The following ANKS1B variants were observed in gnomAD, a reference collection of about 807,000 sequenced individuals.
The protein encoded by ANKS1B is ankyrin repeat and sterile alpha motif domain containing 1B.
Under a neutral mutation model 148.3 loss-of-function variants are expected in ANKS1B, and 36 were observed. The ratio of observed to expected loss-of-function variants is 0.24; its 90% CI spans 0.19 to 0.32. The LOEUF (loss-of-function observed/expected upper bound fraction) is 0.32, where lower values mean the gene tolerates loss of function less well. Ranked by LOEUF, ANKS1B falls within the 10% of genes least tolerant of loss-of-function variation. The pLI, the probability that ANKS1B is intolerant of heterozygous loss-of-function variation, is 1.00. For synonymous variants in ANKS1B, 542 were observed against 560.8 expected, an observed-to-expected ratio of 0.97 and a Z score of 0.47; for missense variants, 1,157 against 1,542.6, an observed-to-expected ratio of 0.75 and a Z score of 4.19.
intron 15 of ANKS1B, among the ~76,000 whole-genome samples, chr12:99,098,150 T>TGAGAAAATGGAA (rs2056822987): frequency 6.6e-6 from 1 of 152,156 alleles, no homozygotes; most frequent in Admixed American, 6.5e-5. Context: ...ATTTTACAGA[T>TGAGAAAATGGAA]GAGAAAATGG....
At chr12:99,404,137 C>T (rs942569113) in intron 11 of ANKS1B, among the ~76,000 whole-genome samples, 5 of 145,522 alleles carry the variant, frequency 3.4e-5, no homozygotes, top group Admixed American at 6.8e-5. Flanking sequence ...AACTAATGGA[C>T]ACATAGAGAA....
At chr12:99,208,467 G>T (rs183645934) in intron 14 of ANKS1B, among the ~76,000 whole-genome samples, 1 of 152,260 alleles carries the variant, frequency 6.6e-6, no homozygotes, top group Non-Finnish European at 1.5e-5. Flanking sequence ...TTAAAAGAGA[G>T]ATATTAAACT....
intron 16 of ANKS1B, among the ~76,000 whole-genome samples, chr12:99,054,647 T>A (rs960683166): frequency 8.5e-5 from 13 of 152,214 alleles, no homozygotes; most frequent in African/African-American, 3.1e-4. Context: ...CAAGCAATTC[T>A]CATTCCTCAG....
intron 1 of ANKS1B, among the ~76,000 whole-genome samples, chr12:99,883,863 C>T (rs1303501741): frequency 6.6e-6 from 1 of 152,190 alleles, no homozygotes; most frequent in African/African-American, 2.4e-5. Context: ...TTGTAGTGAG[C>T]TGACATCGTG....
intron 1 of ANKS1B, among the ~76,000 whole-genome samples, chr12:99,862,031 G>C (rs1767539225): frequency 6.6e-6 from 1 of 152,082 alleles, no homozygotes. Flanking sequence ...TTTTTAACAT[G>C]GTAGGTTTTC....
intron 2 of ANKS1B, among the ~76,000 whole-genome samples, chr12:99,817,318 A>C (rs1043337562): frequency 1.3e-5 from 2 of 151,476 alleles, no homozygotes; most frequent in African/African-American, 4.8e-5. Context: ...TCTCATGTCC[A>C]TCCATGTTGC....
intron 25 of ANKS1B, among the ~76,000 whole-genome samples, chr12:98,768,027 T>G (rs1449325952): frequency 6.6e-6 from 1 of 152,144 alleles, no homozygotes; most frequent in East Asian, 1.9e-4. Flanking sequence ...AACACATCCT[T>G]CTTTTCTGCT....
At chr12:99,754,133 A>T (rs182742777) in intron 8 of ANKS1B, among the ~76,000 whole-genome samples, 54 of 152,274 alleles carry the variant, frequency 3.5e-4, no homozygotes, top group Non-Finnish European at 6.8e-4. Context: ...AATGACACAC[A>T]TAGGCTCAAA....
At chr12:99,041,070 A>G (rs79437837) in intron 17 of ANKS1B, among the ~76,000 whole-genome samples, 3 of 152,304 alleles carry the variant, frequency 2.0e-5, no homozygotes, top group Non-Finnish European at 4.4e-5. Context: ...ATCTACTTTG[A>G]GTCTGCTAGC....
At chr12:99,198,530 G>A (rs1224237498) in intron 14 of ANKS1B, among the ~76,000 whole-genome samples, 1 of 152,164 alleles carries the variant, frequency 6.6e-6, no homozygotes, top group Non-Finnish European at 1.5e-5. Context: ...TTTATTATGA[G>A]CAAATCTTGT....
At chr12:99,162,830 C>T (rs1173060267) in intron 14 of ANKS1B, among the ~76,000 whole-genome samples, 1 of 152,086 alleles carries the variant, frequency 6.6e-6, no homozygotes, top group Non-Finnish European at 1.5e-5. Context: ...GAGGCCGAGG[C>T]AGGTGGATCA....
chr12:98,843,793 A>ATAAG (rs1353803848), intron 17 of ANKS1B, among the ~76,000 whole-genome samples: 1 of 152,224 alleles, frequency 6.6e-6, no homozygotes, highest in Non-Finnish European at 1.5e-5. Flanking sequence ...GAATCTTAAC[A>ATAAG]TAAGTAAGCT....
At chr12:99,495,020 C>A (rs1027793909) in intron 10 of ANKS1B, among the ~76,000 whole-genome samples, 1 of 151,902 alleles carries the variant, frequency 6.6e-6, no homozygotes, top group African/African-American at 2.4e-5. Flanking sequence ...GAGTGAGAGA[C>A]AAGGGAGGAA....
At chr12:99,684,891 T>A (rs1309456403) in intron 8 of ANKS1B, among the ~76,000 whole-genome samples, 1 of 152,166 alleles carries the variant, frequency 6.6e-6, no homozygotes, top group Non-Finnish European at 1.5e-5. Context: ...AGAATGAAAC[T>A]GGATCCTCAT....
intron 19 of ANKS1B, among the ~76,000 whole-genome samples, chr12:98,820,165 C>A (rs2099171902): frequency 6.6e-6 from 1 of 152,176 alleles, no homozygotes; most frequent in African/African-American, 2.4e-5. Context: ...CCGCTAGTTC[C>A]CAGTTTGCAG....
At chr12:99,353,568 G>A (rs767926239) in intron 12 of ANKS1B, among the ~76,000 whole-genome samples, 1 of 151,918 alleles carries the variant, frequency 6.6e-6, no homozygotes, top group Non-Finnish European at 1.5e-5. Flanking sequence ...TATAACTCTG[G>A]TCAATTTAGT....
intron 8 of ANKS1B, among the ~76,000 whole-genome samples, chr12:99,665,931 T>A (rs1426019129): frequency 6.6e-6 from 1 of 152,224 alleles, no homozygotes; most frequent in African/African-American, 2.4e-5. Flanking sequence ...TTCCATAAGT[T>A]TAAGATTTTT....
At position 99,581,393 on chromosome 12, in the gene ANKS1B, A is replaced by T. The variant is rs1294006853; in HGVS notation, c.1272+73674T>A. ...GAACCTCAAACCTTACACCATATAT[A>T]AAAAAGTAACTTAAAATGTAAAATA... On this transcript the variant is annotated intron_variant, in intron 9 of 26. Coordinates refer to ENST00000683438, the MANE Select transcript of ANKS1B (RefSeq NM_001352186.2). Among the ~76,000 whole-genome samples the T allele has an allele frequency of 2.0e-5, 3 of 152,176 alleles. No homozygotes were observed. The East Asian group carries it at 5.8e-4, about 29-fold the overall frequency.
intron 10 of ANKS1B, among the ~76,000 whole-genome samples, chr12:99,486,031 A>G (rs974912995): frequency 6.6e-6 from 1 of 152,156 alleles, no homozygotes; most frequent in African/African-American, 2.4e-5. Context: ...TGGCATTTCA[A>G]AGATTTCATC....
Sources: allele counts gnomAD v4.1 joint callset (sites outside exome capture counted in the v4.1 genomes callset), GRCh38; gene constraint gnomAD v4.1.1; transcripts MANE v1.5; gene names NCBI Gene and HGNC (gene_info 2026-07-23, HGNC 2026-07-21).